Variants in RERE observed in about 807,000 individuals in gnomAD.
The protein encoded by RERE is arginine-glutamic acid dipeptide repeats protein.
A neutral mutation model predicts 146.1 loss-of-function variants in RERE; 40 were observed. The ratio of observed to expected loss-of-function variants is 0.27; its 90% CI spans 0.21 to 0.36. RERE has a LOEUF of 0.36. Among genes scored for constraint, RERE ranks in the 10% least tolerant of loss-of-function variants. The probability of loss-of-function intolerance (pLI) is 1.00; values close to 1 mark genes in which losing one functional copy is unlikely to be tolerated. For missense variants in RERE, 1,933 were observed against 2,138.7 expected (o/e 0.90, Z 1.90); for synonymous variants, 1,003 against 866.0 (o/e 1.16, Z -2.78).
intron 1 of RERE, among the ~76,000 whole-genome samples, chr1:8,708,299 CT>C (rs1231125191): frequency 6.6e-6 from 1 of 151,958 alleles, no homozygotes; most frequent in Admixed American, 6.6e-5. Context: ...CTGATGGTTG[CT>C]TTTTTGTTTT....
intron 1 of RERE, among the ~76,000 whole-genome samples, chr1:8,726,386 C>G (rs1377683548): frequency 6.6e-6 from 1 of 152,016 alleles, no homozygotes. Context: ...AACTCCTGAC[C>G]TCGTGATCCA....
chr1:8,784,347 T>C (rs1641222600), intron 1 of RERE, among the ~76,000 whole-genome samples: 1 of 152,176 alleles, frequency 6.6e-6, no homozygotes, highest in Admixed American at 6.5e-5. Context: ...ACAGTATCTA[T>C]TTTTTTCCAC....
intron 10 of RERE, among the ~76,000 whole-genome samples, chr1:8,493,958 C>A (rs1645010675): frequency 6.6e-6 from 1 of 151,998 alleles, no homozygotes; most frequent in Non-Finnish European, 1.5e-5. Flanking sequence ...CCTATACAGC[C>A]CCATGGGATA....
At chr1:8,435,809 TGG>T (rs1378083045) in intron 11 of RERE, among the ~76,000 whole-genome samples, 1 of 152,220 alleles carries the variant, frequency 6.6e-6, no homozygotes. Flanking sequence ...AGTGCCCCTC[TGG>T]GTCTAGATAA....
In RERE at chr1:8,364,711, C is replaced by T. The variant is rs1340070368; in HGVS notation, c.1540+35G>A. On this transcript the variant is annotated intron_variant, in intron 14 of 22. Transcript: ENST00000400908. This position sits in a 1 kb window ranked among gnomAD's most constrained non-coding sequence, Gnocchi z 5.1. ...TCAGAACATGGAAGTGCTTGTGCCC[C>T]CGCCCCGCCCCAGGAGCGTGACGAG... 3.9e-6 allele frequency: 6 copies of T among 1,522,608 alleles called. No homozygotes were observed. Among genetic ancestry groups the T allele is most frequent in the Non-Finnish European group, 5.5e-6 (6 of 1,097,066 alleles). 94.3% of individuals were successfully genotyped at this position (1,522,608 alleles called of 1,614,324 possible). A position where few individuals can be genotyped will look rare whatever the true frequency, so the allele number is the denominator to read the frequency against.
At chr1:8,689,730 G>A (rs1275406357) in intron 1 of RERE, among the ~76,000 whole-genome samples, 1 of 147,464 alleles carries the variant, frequency 6.8e-6, no homozygotes, top group Non-Finnish European at 1.5e-5. Context: ...GCGATTATAA[G>A]ACTGACAAAT....
At chr1:8,541,368 T>A (rs368669062) in intron 6 of RERE, 50 bp from the exon 7 acceptor site, 36 of 1,159,606 alleles carry the variant, frequency 3.1e-5, no homozygotes, top group Non-Finnish European at 4.5e-5. Context: ...CTGCTTTTGC[T>A]AACCAAAACT....
At chr1:8,582,638 T>C (rs1183440590) in intron 4 of RERE, among the ~76,000 whole-genome samples, 1 of 152,028 alleles carries the variant, frequency 6.6e-6, no homozygotes, top group Non-Finnish European at 1.5e-5. Context: ...AGGAGAATTG[T>C]TGAACCTGGG....
rs1437273459 is a variant in RERE at position 8,423,059 on chromosome 1, G to A, written c.1204-252C>T. ...CGCGTTTAAGAGAAGGACGTCCTGCGTCTGAGGCTAAGAAGCAATCTGTCC... is the reference window on the plus strand; with the variant it reads ...CGCGTTTAAGAGAAGGACGTCCTGCATCTGAGGCTAAGAAGCAATCTGTCC... On this transcript the variant is annotated intron_variant, in intron 11 of 22. Transcript: ENST00000400908. This position sits in a 1 kb window ranked among gnomAD's most constrained non-coding sequence, Gnocchi z 5.4. 3 of 467,124 alleles carry A rather than the reference G, an allele frequency of 6.4e-6. No individual in the cohort carries two copies. The highest frequency in any genetic ancestry group is 3.5e-5 in the East Asian group (1 of 28,348). The allele number at this position is 467,124 out of a possible 1,614,324, so 28.9% of individuals were successfully genotyped here.
chr1:8,369,512 A>G (rs1419021511), intron 12 of RERE, among the ~76,000 whole-genome samples: 1 of 123,522 alleles, frequency 8.1e-6, no homozygotes, highest in Non-Finnish European at 1.6e-5. Context: ...TTTTACTAAA[A>G]AAAAAAAAAA....
rs2124425416 is a variant in RERE, at chr1:8,391,039, C to A, written c.1285-25065G>T. Among the ~76,000 whole-genome samples the A allele has an allele frequency of 1.3e-5, 2 of 152,324 alleles. 1 individual carries two copies. Among genetic ancestry groups the A allele is most frequent in the South Asian group, 4.1e-4 (2 of 4,832 alleles). On this transcript the variant is annotated intron_variant, in intron 12 of 22. Transcript: ENST00000400908. ...CTTCCATGATCACACTGACTCCTAC[C>A]TGGCGCTCAGTTTCCACTCCCCTTG...
chr1:8,494,648 G>C (rs979233984), intron 10 of RERE, among the ~76,000 whole-genome samples: 1 of 152,138 alleles, frequency 6.6e-6, no homozygotes, highest in African/African-American at 2.4e-5. Flanking sequence ...GTGTGAAGCC[G>C]GGAAGCGGAG....
chr1:8,459,917 C>T (rs1185616485), intron 11 of RERE, among the ~76,000 whole-genome samples: 1 of 152,112 alleles, frequency 6.6e-6, no homozygotes, highest in East Asian at 1.9e-4. Context: ...TTTTACCATT[C>T]CTAAAATAAA....
intron 1 of RERE, among the ~76,000 whole-genome samples, chr1:8,789,301 A>AAAAAAAAAAAAAAAAAAAAATATATAT: frequency 4.8e-4 from 12 of 24,810 alleles, no homozygotes; most frequent in Non-Finnish European, 6.5e-4. Flanking sequence ...AAAAAAAAAA[A>AAAAAAAAAAAAAAAAAAAAATATATAT]ATATATATAT....
At chr1:8,580,629 C>T (rs1360221657) in intron 4 of RERE, among the ~76,000 whole-genome samples, 1 of 152,202 alleles carries the variant, frequency 6.6e-6, no homozygotes, top group Non-Finnish European at 1.5e-5. Context: ...CAACTCAAAA[C>T]AGTTCTATCA....
chr1:8,740,883 A>G (rs1266263693), intron 1 of RERE, among the ~76,000 whole-genome samples: 1 of 152,184 alleles, frequency 6.6e-6, no homozygotes, highest in Non-Finnish European at 1.5e-5. Context: ...TTTTACAGTG[A>G]ATTATTTTAT....
Position 8,362,831 on chromosome 1 carries a change from C to A in RERE, c.1754G>T (p.Arg585Leu). ...RRSRGSMSTL[R>L]SGRKKQPASP... ...GGCTGGCTGCTTCTTCCGACCACTG[C>A]GTAGTGTCGACATCTGCCCACCCAA... Residue 585 changes from arginine to leucine, a missense_variant, in exon 16 of 23, where the codon CGC (arginine) becomes CTC (leucine). By Grantham distance (102) the Arg-to-Leu change is moderately radical (BLOSUM62 -2). Transcript: ENST00000400908. The A allele has an allele frequency of 6.2e-7, 1 of 1,612,336 alleles. No homozygotes were observed. The highest frequency in any genetic ancestry group is 8.5e-7 in the Non-Finnish European group (1 of 1,179,088).
chr1:8,643,775 G>A (rs1415382592), intron 2 of RERE, among the ~76,000 whole-genome samples: 1 of 152,186 alleles, frequency 6.6e-6, no homozygotes, highest in Non-Finnish European at 1.5e-5. Context: ...TCTCTGGGGA[G>A]GGAACCCCAG....
At chr1:8,399,014 T>G (rs1320465873) in intron 12 of RERE, among the ~76,000 whole-genome samples, 3 of 152,164 alleles carry the variant, frequency 2.0e-5, no homozygotes, top group African/African-American at 7.2e-5. Flanking sequence ...TGCAAAACTT[T>G]GCAGACTTTT....
Sources: gnomAD v4.1 joint callset for allele counts (sites outside exome capture counted in the v4.1 genomes callset) on GRCh38, gnomAD v4.1.1 for gene constraint, Gnocchi (gnomAD v3.1) non-coding constraint, MANE v1.5 for transcripts, NCBI Gene and HGNC (gene_info 2026-07-23, HGNC 2026-07-21) for gene names.